The following PLD5 variants were observed in gnomAD, a reference collection of about 807,000 sequenced individuals.
PLD5 encodes the protein inactive phospholipase D5.
In PLD5, 36 loss-of-function variants were observed where a neutral mutation model predicts 61.1. The ratio of observed to expected loss-of-function variants is 0.59; its 90% confidence interval spans 0.45 to 0.78. The LOEUF is 0.78. Among genes scored for constraint, PLD5 ranks in the 30% least tolerant of loss-of-function variants. The pLI is 0.00. For synonymous variants in PLD5, 243 were observed against 242.8 expected, an observed-to-expected ratio of 1.00 and a Z score of -0.01; for missense variants, 515 against 644.4, an observed-to-expected ratio of 0.80 and a Z score of 2.17.
intron 4 of PLD5, among the ~76,000 whole-genome samples, chr1:242,254,649 A>G (rs1672916676): frequency 1.3e-5 from 2 of 152,000 alleles, no homozygotes; most frequent in South Asian, 4.1e-4. Flanking sequence ...CAGCCTGGGC[A>G]ACAAGAGTGA....
chr1:242,405,458 A>C (rs1379183379), intron 1 of PLD5, among the ~76,000 whole-genome samples: 2 of 152,112 alleles, frequency 1.3e-5, no homozygotes, highest in Non-Finnish European at 2.9e-5. Flanking sequence ...TTGGCTCAAA[A>C]TGTGAATAGT....
intron 1 of PLD5, among the ~76,000 whole-genome samples, chr1:242,402,303 G>A (rs1663982890): frequency 6.0e-5 from 9 of 150,984 alleles, no homozygotes; most frequent in Admixed American, 4.6e-4. Flanking sequence ...TTATTTTTTT[G>A]CATGAATCTT....
rs573112207 is a variant in PLD5, at chr1:242,437,928, G to A, written c.189+86160C>T. 6.6e-5 allele frequency among the ~76,000 whole-genome samples: 10 copies of A among 152,272 alleles called. No individual in the cohort carries two copies. The South Asian group carries it at 1.5e-3, about 22-fold the overall frequency. On this transcript the variant is annotated intron_variant, in intron 1 of 9. Coordinates refer to ENST00000536534, the MANE Select transcript of PLD5 (RefSeq NM_001372062.1). ...ATCACTGTGCTACTGTATAAGATCC[G>A]GAGTTGTTAAGCAACAAATGGTGCT... is the stretch of plus-strand genomic sequence containing the variant.
intron 1 of PLD5, among the ~76,000 whole-genome samples, chr1:242,471,696 T>A (rs553415430): frequency 6.6e-6 from 1 of 152,128 alleles, no homozygotes; most frequent in Non-Finnish European, 1.5e-5. Flanking sequence ...CCATACACAA[T>A]ACACAATGAC....
chr1:242,137,469 C>T (rs1663826334), intron 5 of PLD5, among the ~76,000 whole-genome samples: 1 of 152,092 alleles, frequency 6.6e-6, no homozygotes, highest in African/African-American at 2.4e-5. Context: ...TGTGGCACAA[C>T]CAATATTGTC....
chr1:242,245,307 C>G (rs1426049899), intron 4 of PLD5, among the ~76,000 whole-genome samples: 2 of 152,200 alleles, frequency 1.3e-5, no homozygotes, highest in Non-Finnish European at 2.9e-5. Flanking sequence ...TTGACTGAGG[C>G]ATAATTATAG....
Position 242,207,976 on chromosome 1 carries a change from T to TA in PLD5, c.735+12011_735+12012insT, listed in dbSNP as rs1669542077. ...TATTTATATATATTTATATATATTTTTATATATATATTTATACACACACAC... is the reference window on the plus strand; with the variant it reads ...TATTTATATATATTTATATATATTTTATATATATATATTTATACACACACAC... On this transcript the variant is annotated intron_variant, in intron 5 of 9. Transcript: ENST00000536534. Among the ~76,000 whole-genome samples the TA allele has an allele frequency of 4.3e-4, 29 of 68,164 alleles. 5 individuals carry two copies. In the South Asian group the frequency reaches 0.012, roughly 28 times the overall value. 44.7% of individuals were successfully genotyped at this position (68,164 alleles called of 152,430 possible).
At chr1:242,220,707 ATATTTTATTT>A (rs71570944) in intron 4 of PLD5, among the ~76,000 whole-genome samples, 7,726 of 108,190 alleles carry the variant, frequency 0.071, 686 homozygotes, top group African/African-American at 0.22. Context: ...TTTTTAATTT[ATATTTTATTT>A]TATTTTATTT....
intron 1 of PLD5, among the ~76,000 whole-genome samples, chr1:242,492,904 C>T (rs1668212720): frequency 6.6e-6 from 1 of 152,088 alleles, no homozygotes; most frequent in Non-Finnish European, 1.5e-5. Context: ...CCCTCATGAC[C>T]TAATCACCTC....
chr1:242,305,806 C>T (rs12142195), intron 2 of PLD5, among the ~76,000 whole-genome samples: 9,713 of 152,204 alleles, frequency 0.064, 361 homozygotes, highest in Middle Eastern at 0.11. Flanking sequence ...ATGACCCGCC[C>T]GCCTCGGCCT....
At chr1:242,258,134 G>T (rs2455535) in intron 4 of PLD5, among the ~76,000 whole-genome samples, 2 of 152,162 alleles carry the variant, frequency 1.3e-5, no homozygotes, top group Admixed American at 1.3e-4. Flanking sequence ...TATAAAAACC[G>T]ATTTGAATAA....
chr1:242,149,687 A>ATG (rs1306859752), intron 5 of PLD5, among the ~76,000 whole-genome samples: 1 of 151,568 alleles, frequency 6.6e-6, no homozygotes. Flanking sequence ...ACACACACAC[A>ATG]CACACACACA....
chr1:242,415,466 A>G (rs1664768250), intron 1 of PLD5, among the ~76,000 whole-genome samples: 1 of 152,044 alleles, frequency 6.6e-6, no homozygotes. Flanking sequence ...TCAGTCAACA[A>G]TTGCAAAAAG....
intron 1 of PLD5, among the ~76,000 whole-genome samples, chr1:242,438,411 GAGCTGCC>G (rs532542817): frequency 6.7e-6 from 1 of 148,956 alleles, no homozygotes; most frequent in South Asian, 2.2e-4. Flanking sequence ...CTACAGGCCT[GAGCTGCC>G]ATGCCTGGCT....
intron 2 of PLD5, among the ~76,000 whole-genome samples, chr1:242,308,416 A>G (rs1183117380): frequency 1.4e-4 from 21 of 152,212 alleles, no homozygotes; most frequent in Admixed American, 1.4e-3. Flanking sequence ...AACTTTACTC[A>G]TCTGTAAAAT....
chr1:242,415,972 A>G (rs192072714), intron 1 of PLD5, among the ~76,000 whole-genome samples: 1 of 152,294 alleles, frequency 6.6e-6, no homozygotes, highest in East Asian at 1.9e-4. Flanking sequence ...ATTTAACATA[A>G]ACCAAAACAA....
intron 1 of PLD5, among the ~76,000 whole-genome samples, chr1:242,417,387 A>C (rs1258123048): frequency 6.6e-6 from 1 of 152,238 alleles, no homozygotes; most frequent in African/African-American, 2.4e-5. Context: ...AACACCCTGA[A>C]GTTACCACCC....
At position 242,489,993 on chromosome 1, in the gene PLD5, T is replaced by C. The variant is rs58895484; in HGVS notation, c.189+34095A>G. ...GACTGAAGCAGAGAGAAAGGTTCCA[T>C]TCACATCAGGCATTAGAGGAGCCAT... On this transcript the variant is annotated intron_variant, in intron 1 of 9. Transcript: ENST00000536534. Among the ~76,000 whole-genome samples the C allele has an allele frequency of 6.8e-3, 1,042 of 152,342 alleles. 10 individuals carry two copies. The highest frequency in any genetic ancestry group is 0.024 in the African/African-American group (993 of 41,590).
intron 1 of PLD5, among the ~76,000 whole-genome samples, chr1:242,428,465 G>A (rs1665548213): frequency 6.6e-6 from 1 of 152,178 alleles, no homozygotes; most frequent in Admixed American, 6.5e-5. Context: ...AAAGGGATGG[G>A]AGCTTCAGCC....
Sources: allele counts gnomAD v4.1 joint callset (sites outside exome capture counted in the v4.1 genomes callset), GRCh38; gene constraint gnomAD v4.1.1; transcripts MANE v1.5; gene names NCBI Gene and HGNC (gene_info 2026-07-23, HGNC 2026-07-21).